The following KCNMB4 variants were observed in gnomAD, a reference collection of about 807,000 sequenced individuals.
KCNMB4 encodes the protein calcium-activated potassium channel subunit beta-4.
A neutral mutation model predicts 20.7 loss-of-function variants in KCNMB4; 3 were observed. The observed-to-expected ratio is 0.14, with a 90% CI of 0.07 to 0.37. The LOEUF (loss-of-function observed/expected upper bound fraction) is 0.37, where lower values mean the gene tolerates loss of function less well. Among genes scored for constraint, KCNMB4 ranks in the 10% least tolerant of loss-of-function variants. The pLI is 1.00. For missense variants in KCNMB4, 168 were observed against 265.9 expected (o/e 0.63, Z 2.56); for synonymous variants, 110 against 113.4 (o/e 0.97, Z 0.19).
At chr12:70,401,450 C>T (rs1868447636) in intron 2 of KCNMB4, among the ~76,000 whole-genome samples, 1 of 152,196 alleles carries the variant, frequency 6.6e-6, no homozygotes, top group South Asian at 2.1e-4. Flanking sequence ...TCCGCCTCCA[C>T]CGTGGACCCA....
chr12:70,416,908 C>T (rs1406610357), intron 2 of KCNMB4, among the ~76,000 whole-genome samples: 1 of 152,140 alleles, frequency 6.6e-6, no homozygotes, highest in Non-Finnish European at 1.5e-5. Context: ...GTGTAATACA[C>T]TTTAATGAAA....
chr12:70,413,657 T>G (rs928932968), intron 2 of KCNMB4, among the ~76,000 whole-genome samples: 2 of 152,186 alleles, frequency 1.3e-5, no homozygotes, highest in Non-Finnish European at 1.5e-5. Context: ...TGGGAGACAC[T>G]TTTCATTCAT....
intron 1 of KCNMB4, among the ~76,000 whole-genome samples, chr12:70,375,269 C>G (rs947853009): frequency 1.3e-5 from 2 of 151,982 alleles, no homozygotes; most frequent in Non-Finnish European, 2.9e-5. Flanking sequence ...TCTATTTCTT[C>G]CTCCAAACCG....
chr12:70,366,592 C>G lies in KCNMB4; in HGVS notation c.-143C>G, dbSNP rs1419559339. ...TGGCCTCGGCCCCTTTGTTCTCGCG[C>G]GCTCCCCCTCGCCGCCCACTCCCCT... On this transcript the variant is annotated 5_prime_UTR_variant, in exon 1 of 3. Transcript: ENST00000258111. 2.5e-6 allele frequency: 1 copy of G among 405,762 alleles called. No individual in the cohort carries two copies. The highest frequency in any genetic ancestry group is 3.7e-6 in the Non-Finnish European group (1 of 271,512). 25.1% of individuals were successfully genotyped at this position (405,762 alleles called of 1,614,324 possible).
chr12:70,383,937 T>A (rs1286012391), intron 1 of KCNMB4, among the ~76,000 whole-genome samples: 4 of 152,072 alleles, frequency 2.6e-5, no homozygotes, highest in African/African-American at 9.7e-5. Flanking sequence ...GGCTTGATGA[T>A]GTGCACCTAT....
At position 70,430,783 on chromosome 12, in the gene KCNMB4, T is replaced by A; in HGVS notation, c.*130T>A. On this transcript the variant is annotated 3_prime_UTR_variant, in exon 3 of 3. Transcript: ENST00000258111. ...GACAGGGCTCTGAGAGGCTCATCCC[T>A]CAGTGGCAACAGAAACAGGCACAAC... 1 of 839,284 alleles carries A rather than the reference T, an allele frequency of 1.2e-6. No individual in the cohort carries two copies. The highest frequency in any genetic ancestry group is 1.7e-6 in the Non-Finnish European group (1 of 586,834). 52.0% of individuals were successfully genotyped at this position (839,284 alleles called of 1,614,324 possible).
chr12:70,376,136 A>C (rs1396709168), intron 1 of KCNMB4, among the ~76,000 whole-genome samples: 2 of 132,042 alleles, frequency 1.5e-5, no homozygotes, highest in Admixed American at 8.1e-5. Context: ...ACAAAATTTA[A>C]CAATCCTTTC....
intron 2 of KCNMB4, among the ~76,000 whole-genome samples, chr12:70,400,790 T>C (rs710650): frequency 0.31 from 46,707 of 152,038 alleles, 8,381 homozygotes; most frequent in African/African-American, 0.49. Flanking sequence ...TAGGGCACTT[T>C]GGTACCCACT....
At chr12:70,384,122 T>C (rs937147361) in intron 1 of KCNMB4, among the ~76,000 whole-genome samples, 10 of 152,168 alleles carry the variant, frequency 6.6e-5, no homozygotes, top group Non-Finnish European at 1.2e-4. Flanking sequence ...TAATCCACTG[T>C]GACCTCATCT....
At chr12:70,416,515 T>G (rs1868917084) in intron 2 of KCNMB4, among the ~76,000 whole-genome samples, 1 of 152,244 alleles carries the variant, frequency 6.6e-6, no homozygotes, top group Admixed American at 6.5e-5. Flanking sequence ...TTTTCATTAC[T>G]CAAGTTTTAA....
chr12:70,384,283 T>C (rs900786877), intron 1 of KCNMB4, among the ~76,000 whole-genome samples: 13 of 152,190 alleles, frequency 8.5e-5, no homozygotes, highest in African/African-American at 3.1e-4. Context: ...AGCTTCTAAA[T>C]TTCTCCAATA....
intron 1 of KCNMB4, among the ~76,000 whole-genome samples, chr12:70,375,677 C>T (rs564439586): frequency 1.3e-5 from 2 of 152,080 alleles, no homozygotes; most frequent in East Asian, 1.9e-4. Context: ...GTCCCATCCT[C>T]GACCCAATAA....
intron 2 of KCNMB4, among the ~76,000 whole-genome samples, chr12:70,421,470 G>GAAAA (rs61303899): frequency 9.3e-5 from 7 of 75,666 alleles, no homozygotes; most frequent in Admixed American, 1.7e-4. Flanking sequence ...TCTCAAAAAA[G>GAAAA]AAAAAAAAAA....
chr12:70,395,314 T>C (rs1868341647), intron 1 of KCNMB4, among the ~76,000 whole-genome samples: 2 of 152,052 alleles, frequency 1.3e-5, no homozygotes, highest in South Asian at 4.2e-4. Context: ...CTTAGATAAT[T>C]CCTAACATAG....
chr12:70,421,509 C>A (rs1869056233), intron 2 of KCNMB4, among the ~76,000 whole-genome samples: 1 of 149,648 alleles, frequency 6.7e-6, no homozygotes, highest in South Asian at 2.1e-4. Flanking sequence ...CCCATACATA[C>A]CCTCATTTGA....
rs1869356003 is a variant in KCNMB4 at position 70,431,218 on chromosome 12, T to C, written c.*565T>C. 6.6e-6 allele frequency: 1 copy of C among 152,158 alleles called. No homozygotes were observed. The highest frequency in any genetic ancestry group is 2.4e-5 in the African/African-American group (1 of 41,432). 9.4% of individuals were successfully genotyped at this position (152,158 alleles called of 1,614,324 possible). A position where few individuals can be genotyped will look rare whatever the true frequency, so the allele number is the denominator to read the frequency against. ...TTTTGACGTCTGCTTGGAAAATGAATAGTATACTGGTAACTCAGTCTCCAG... is the reference window on the plus strand; with the variant it reads ...TTTTGACGTCTGCTTGGAAAATGAACAGTATACTGGTAACTCAGTCTCCAG... On this transcript the variant is annotated 3_prime_UTR_variant, in exon 3 of 3. Transcript: ENST00000258111.
chr12:70,421,414 C>A (rs1869049355), intron 2 of KCNMB4, among the ~76,000 whole-genome samples: 1 of 140,670 alleles, frequency 7.1e-6, no homozygotes, highest in Non-Finnish European at 1.5e-5. Flanking sequence ...ATTGCTTGAG[C>A]CCAGGAGGTT....
chr12:70,380,673 T>TTGTG (rs1883769827), intron 1 of KCNMB4, among the ~76,000 whole-genome samples: 2 of 150,300 alleles, frequency 1.3e-5, no homozygotes, highest in Non-Finnish European at 3.0e-5. Flanking sequence ...AACCTATACA[T>TTGTG]CATGGACGGT....
At chr12:70,398,304 T>C (rs1454957371) in intron 1 of KCNMB4, among the ~76,000 whole-genome samples, 5 of 152,064 alleles carry the variant, frequency 3.3e-5, no homozygotes, top group Non-Finnish European at 5.9e-5. Flanking sequence ...AGCTAGAAAT[T>C]ATTTTGGAGA....
Sources: allele counts gnomAD v4.1 joint callset (sites outside exome capture counted in the v4.1 genomes callset), GRCh38; gene constraint gnomAD v4.1.1; transcripts MANE v1.5; gene names NCBI Gene and HGNC (gene_info 2026-07-23, HGNC 2026-07-21).